Variants in PDE4D observed in about 807,000 individuals in gnomAD.
PDE4D encodes the protein phosphodiesterase 4D.
A neutral mutation model predicts 87.4 loss-of-function variants in PDE4D; 24 were observed. That is an observed-to-expected ratio of 0.27 (90% CI 0.20 to 0.39). The LOEUF (loss-of-function observed/expected upper bound fraction) is 0.39, where lower values mean the gene tolerates loss of function less well. Ranked by LOEUF, PDE4D falls within the 10% of genes least tolerant of loss-of-function variation. The probability of loss-of-function intolerance (pLI) is 1.00; values close to 1 mark genes in which losing one functional copy is unlikely to be tolerated. For synonymous variants in PDE4D, 384 were observed against 383.2 expected (o/e 1.00, Z -0.02); for missense variants, 714 against 1,041.0 (o/e 0.69, Z 4.32).
chr5:59,892,707 T>A (rs1481002465), intron 1 of PDE4D, among the ~76,000 whole-genome samples: 1 of 151,978 alleles, frequency 6.6e-6, no homozygotes, highest in Non-Finnish European at 1.5e-5. Context: ...CCACCGACCC[T>A]CTTCCCAATA....
chr5:59,547,111 T>C (rs977427916), intron 1 of PDE4D, among the ~76,000 whole-genome samples: 9 of 152,186 alleles, frequency 5.9e-5, no homozygotes, highest in African/African-American at 2.2e-4. Context: ...TATTAATAAA[T>C]ATATTATCTA....
At chr5:60,035,654 G>A (rs1767714400) in intron 2 of PDE4D, among the ~76,000 whole-genome samples, 1 of 152,166 alleles carries the variant, frequency 6.6e-6, no homozygotes, top group Non-Finnish European at 1.5e-5. Context: ...AAAATTTGTA[G>A]TGGGTTAATC....
At chr5:59,277,221 C>T (rs1561866402) in intron 1 of PDE4D, among the ~76,000 whole-genome samples, 1 of 152,124 alleles carries the variant, frequency 6.6e-6, no homozygotes, top group Non-Finnish European at 1.5e-5. Flanking sequence ...TTCATCTGCT[C>T]CCCTGGTCAC....
In PDE4D at chr5:60,011,680, T is replaced by C. The variant is rs1349981843; in HGVS notation, c.43-22963A>G. Among the ~76,000 whole-genome samples the C allele has an allele frequency of 2.6e-5, 4 of 152,252 alleles. No homozygotes were observed. The South Asian group carries it at 6.2e-4, about 24-fold the overall frequency. On this transcript the variant is annotated intron_variant, in intron 2 of 16. Transcript: ENST00000502484. Reference sequence around the variant, plus strand: ...AGTTTAGTATTTGTAGCAGAAATGATGTGGCCCACAAAGCTGGAAATATTT... The same window carrying C: ...AGTTTAGTATTTGTAGCAGAAATGACGTGGCCCACAAAGCTGGAAATATTT...
At chr5:59,003,066 GC>G (rs1750870940) in intron 6 of PDE4D, among the ~76,000 whole-genome samples, 1 of 151,996 alleles carries the variant, frequency 6.6e-6, no homozygotes, top group Admixed American at 6.6e-5. Flanking sequence ...CCTTTCAATT[GC>G]ATCACAGCAC....
At chr5:59,001,987 C>G (rs1412858139) in intron 6 of PDE4D, 1 of 500,556 alleles carries the variant, frequency 2.0e-6, no homozygotes, top group African/African-American at 2.0e-5. Context: ...TACGGCATCA[C>G]CTTCCCTCCT....
intron 1 of PDE4D, among the ~76,000 whole-genome samples, chr5:60,291,701 A>AT (rs975774634): frequency 6.6e-6 from 1 of 152,028 alleles, no homozygotes. Flanking sequence ...TAAAAAAAAA[A>AT]CCATGTAAGG....
intron 6 of PDE4D, among the ~76,000 whole-genome samples, chr5:58,998,450 G>T (rs1749721174): frequency 6.6e-6 from 1 of 152,022 alleles, no homozygotes; most frequent in Non-Finnish European, 1.5e-5. Flanking sequence ...TTTTAGCCAA[G>T]AAATGGCTAA....
intron 2 of PDE4D, among the ~76,000 whole-genome samples, chr5:60,091,285 G>T (rs186699194): frequency 2.0e-5 from 3 of 152,082 alleles, no homozygotes; most frequent in Admixed American, 2.0e-4. Context: ...AATATACAAG[G>T]TAAAAAAGTA....
chr5:59,868,527 C>G (rs964952670), intron 1 of PDE4D, among the ~76,000 whole-genome samples: 1 of 152,046 alleles, frequency 6.6e-6, no homozygotes, highest in Non-Finnish European at 1.5e-5. Flanking sequence ...ATCCTGGGGA[C>G]CACCCTCTAT....
At chr5:59,949,186 C>T (rs935990156) in intron 3 of PDE4D, among the ~76,000 whole-genome samples, 7 of 152,144 alleles carry the variant, frequency 4.6e-5, no homozygotes, top group South Asian at 2.1e-4. Flanking sequence ...AATCCCAGCA[C>T]TTTGGGAGGC....
chr5:59,686,325 T>C (rs1003220968), intron 1 of PDE4D, among the ~76,000 whole-genome samples: 1 of 152,140 alleles, frequency 6.6e-6, no homozygotes, highest in African/African-American at 2.4e-5. Context: ...GTACTATTAT[T>C]ATACCTATTG....
At chr5:60,045,734 G>A (rs1036517278) in intron 2 of PDE4D, among the ~76,000 whole-genome samples, 5 of 152,116 alleles carry the variant, frequency 3.3e-5, no homozygotes, top group Admixed American at 6.6e-5. Context: ...GTCTGTTTTG[G>A]TACCAGTACC....
chr5:59,864,629 T>C (rs1746751431), intron 1 of PDE4D, among the ~76,000 whole-genome samples: 1 of 152,212 alleles, frequency 6.6e-6, no homozygotes, highest in African/African-American at 2.4e-5. Context: ...TATGAATAGT[T>C]AGGGAAGATT....
At chr5:59,305,798 A>G (rs1284588868) in intron 1 of PDE4D, among the ~76,000 whole-genome samples, 2 of 152,124 alleles carry the variant, frequency 1.3e-5, no homozygotes, top group Non-Finnish European at 2.9e-5. Flanking sequence ...TAAATTCACT[A>G]AGGCTCATTT....
chr5:59,259,893 G>A (rs560729710), intron 1 of PDE4D, among the ~76,000 whole-genome samples: 1 of 151,702 alleles, frequency 6.6e-6, no homozygotes, highest in Non-Finnish European at 1.5e-5. Flanking sequence ...CTCTCCGTCG[G>A]TCTGAATGAA....
At chr5:59,327,390 T>C (rs1203196402) in intron 1 of PDE4D, among the ~76,000 whole-genome samples, 2 of 152,036 alleles carry the variant, frequency 1.3e-5, no homozygotes, top group Non-Finnish European at 2.9e-5. Context: ...CCTGGGTCAA[T>C]AATTAGCAAC....
At chr5:59,971,380 A>AAATAAATAAATG (rs1760746866) in intron 3 of PDE4D, among the ~76,000 whole-genome samples, 1 of 151,290 alleles carries the variant, frequency 6.6e-6, no homozygotes, top group South Asian at 2.1e-4. Flanking sequence ...ATAAATAAAT[A>AAATAAATAAATG]AAAAAGAGAG....
intron 1 of PDE4D, among the ~76,000 whole-genome samples, chr5:59,229,859 T>C (rs1231820467): frequency 1.3e-5 from 2 of 152,192 alleles, no homozygotes; most frequent in Admixed American, 1.3e-4. Flanking sequence ...AGTGCAATGG[T>C]GCGATCTCGG....
Sources: allele counts gnomAD v4.1 joint callset (sites outside exome capture counted in the v4.1 genomes callset), GRCh38; gene constraint gnomAD v4.1.1; transcripts MANE v1.5; gene names NCBI Gene and HGNC (gene_info 2026-07-23, HGNC 2026-07-21).